Variants in CYP2C19 observed in about 807,000 individuals in gnomAD.
The protein encoded by CYP2C19 is cytochrome P450 family 2 subfamily C member 19.
In CYP2C19, 59 loss-of-function variants were observed where a neutral mutation model predicts 40.9. The observed-to-expected ratio is 1.44, with a 90% CI of 1.17 to 1.79. CYP2C19 has a LOEUF of 1.79. Ranked by LOEUF, CYP2C19 falls within the 40% of genes most tolerant of loss-of-function variation. CYP2C19 has a pLI of 0.00. For synonymous variants in CYP2C19, 253 were observed against 208.7 expected (o/e 1.21, Z -1.83); for missense variants, 754 against 596.9 (o/e 1.26, Z -2.74).
chr10:94,808,007 G>A (rs114001023), intron 5 of CYP2C19, among the ~76,000 whole-genome samples: 2,087 of 152,080 alleles, frequency 0.014, 53 homozygotes, highest in African/African-American at 0.046. Flanking sequence ...ATAGTTTCAG[G>A]TATTAATCAT....
chr10:94,815,371 G>C (rs1411840582), intron 5 of CYP2C19, among the ~76,000 whole-genome samples: 2 of 152,158 alleles, frequency 1.3e-5, no homozygotes, highest in Non-Finnish European at 2.9e-5. Context: ...ATTTATTGCT[G>C]GCCTAGGGAC....
chr10:94,819,989 C>G (rs1448083100), intron 5 of CYP2C19, among the ~76,000 whole-genome samples: 1 of 145,928 alleles, frequency 6.9e-6, no homozygotes, highest in African/African-American at 2.6e-5. Context: ...CAAAAATCCT[C>G]AATAAAATAC....
intron 5 of CYP2C19, among the ~76,000 whole-genome samples, chr10:94,807,044 C>G (rs1177819405): frequency 6.6e-6 from 1 of 151,980 alleles, no homozygotes; most frequent in African/African-American, 2.4e-5. Flanking sequence ...TCTGGCTATC[C>G]CCCTTACTTC....
At chr10:94,836,256 A>G (rs936404537) in intron 6 of CYP2C19, among the ~76,000 whole-genome samples, 1 of 152,232 alleles carries the variant, frequency 6.6e-6, no homozygotes, top group Non-Finnish European at 1.5e-5. Flanking sequence ...TTCTTCAGAT[A>G]CTAAGCCTGC....
intron 5 of CYP2C19, among the ~76,000 whole-genome samples, chr10:94,804,371 T>C (rs1273225631): frequency 6.6e-6 from 1 of 152,174 alleles, no homozygotes; most frequent in Admixed American, 6.5e-5. Flanking sequence ...CCTACCTTCC[T>C]CCAGACCAAC....
intron 5 of CYP2C19, among the ~76,000 whole-genome samples, chr10:94,786,756 G>C (rs1848547336): frequency 6.6e-6 from 1 of 151,996 alleles, no homozygotes. Flanking sequence ...TTTTATATGA[G>C]AACACGTGGC....
At chr10:94,833,336 A>C (rs1016798566) in intron 6 of CYP2C19, among the ~76,000 whole-genome samples, 1 of 152,182 alleles carries the variant, frequency 6.6e-6, no homozygotes, top group African/African-American at 2.4e-5. Flanking sequence ...TGTCATGTTC[A>C]TGATCTTACA....
intron 6 of CYP2C19, among the ~76,000 whole-genome samples, chr10:94,827,253 G>C (rs1435861973): frequency 6.6e-6 from 1 of 151,976 alleles, no homozygotes; most frequent in Non-Finnish European, 1.5e-5. Flanking sequence ...GTTCCTCCTT[G>C]TACCTCTGGT....
chr10:94,764,868 C>T (rs1251093198), intron 1 of CYP2C19, among the ~76,000 whole-genome samples: 2 of 152,080 alleles, frequency 1.3e-5, no homozygotes, highest in Non-Finnish European at 2.9e-5. Context: ...AGCCATGTTG[C>T]CTAACTCCAG....
intron 5 of CYP2C19, among the ~76,000 whole-genome samples, chr10:94,794,623 C>G (rs1848657042): frequency 6.6e-6 from 1 of 152,062 alleles, no homozygotes; most frequent in South Asian, 2.1e-4. Context: ...CTTCACATCT[C>G]TTGTATGTTG....
chr10:94,830,487 T>G (rs546515408), intron 6 of CYP2C19, among the ~76,000 whole-genome samples: 2 of 152,334 alleles, frequency 1.3e-5, no homozygotes, highest in African/African-American at 4.8e-5. Context: ...ACTTCCCAAG[T>G]GAGGCAATGC....
intron 3 of CYP2C19, among the ~76,000 whole-genome samples, chr10:94,777,697 C>T (rs1454411209): frequency 6.6e-6 from 1 of 152,080 alleles, no homozygotes; most frequent in African/African-American, 2.4e-5. Flanking sequence ...ACTATAAAAA[C>T]CCTAGAGAAA....
chr10:94,774,738 G>C, intron 1 of CYP2C19: 1 of 301,460 alleles, frequency 3.3e-6, no homozygotes, highest in Non-Finnish European at 6.2e-6. Context: ...ATTAGCTGTG[G>C]GACACTGAAA....
At chr10:94,764,016 G>T (rs1293947614) in intron 1 of CYP2C19, among the ~76,000 whole-genome samples, 1 of 152,118 alleles carries the variant, frequency 6.6e-6, no homozygotes, top group Non-Finnish European at 1.5e-5. Context: ...CATGTCTGGA[G>T]TTGTTCATTC....
chr10:94,807,920 C>T (rs549429120), intron 5 of CYP2C19, among the ~76,000 whole-genome samples: 1 of 152,098 alleles, frequency 6.6e-6, no homozygotes, highest in South Asian at 2.1e-4. Context: ...ACTTCAGTTG[C>T]CTGTGCTTTT....
At chr10:94,829,102 T>C (rs1849283014) in intron 6 of CYP2C19, among the ~76,000 whole-genome samples, 1 of 152,210 alleles carries the variant, frequency 6.6e-6, no homozygotes. Context: ...TAACATTTTT[T>C]CCTTCATTTC....
intron 5 of CYP2C19, among the ~76,000 whole-genome samples, chr10:94,815,890 G>A (rs1848994832): frequency 6.6e-6 from 1 of 152,170 alleles, no homozygotes; most frequent in Non-Finnish European, 1.5e-5. Context: ...CTTTCTGACA[G>A]AAGAAGATAA....
intron 7 of CYP2C19, 151 bp downstream of exon 7, chr10:94,843,175 G>A (rs1462903456): frequency 1.1e-6 from 1 of 938,220 alleles, no homozygotes; most frequent in Non-Finnish European, 1.7e-6. Flanking sequence ...TCCAGTTTGG[G>A]ACTATAAAGA....
chr10:94,853,009 T>G lies in CYP2C19; in HGVS notation c.*95T>G. 7.5e-7 allele frequency: 1 copy of G among 1,341,248 alleles called. No individual in the cohort carries two copies. Among genetic ancestry groups the G allele is most frequent in the Non-Finnish European group, 1.0e-6 (1 of 965,786 alleles). 83.1% of individuals were successfully genotyped at this position (1,341,248 alleles called of 1,614,324 possible). On this transcript the variant is annotated 3_prime_UTR_variant, in exon 9 of 9. Transcript: ENST00000371321. ...TATCTGTGATGCTTCTTCTGACCCG[T>G]CATCTCACATTTTCCCTTCCCCCAA... is the stretch of plus-strand genomic sequence containing the variant.
Sources: gnomAD v4.1 joint callset for allele counts (sites outside exome capture counted in the v4.1 genomes callset) on GRCh38, gnomAD v4.1.1 for gene constraint, MANE v1.5 for transcripts, NCBI Gene and HGNC (gene_info 2026-07-23, HGNC 2026-07-21) for gene names.